PLCH1: variants seen among roughly 807,000 people sequenced by gnomAD.
PLCH1 encodes the protein 1-phosphatidylinositol 4,5-bisphosphate phosphodiesterase eta-1.
In PLCH1, 60 loss-of-function variants were observed where a neutral mutation model predicts 126.7. The observed-to-expected ratio is 0.47, with a 90% CI of 0.38 to 0.59. The LOEUF (loss-of-function observed/expected upper bound fraction) is 0.59. Ranked by LOEUF, PLCH1 falls within the 20% of genes least tolerant of loss-of-function variation. The pLI is 0.00. For synonymous variants in PLCH1, 719 were observed against 734.9 expected (o/e 0.98, Z 0.35); for missense variants, 1,723 against 2,040.0 (o/e 0.84, Z 2.99).
intron 18 of PLCH1, among the ~76,000 whole-genome samples, chr3:155,492,243 G>A (rs78892912): frequency 0.054 from 8,257 of 152,188 alleles, 290 homozygotes; most frequent in Non-Finnish European, 0.079. Context: ...GCTCTGGAAA[G>A]AAAAAAGACT....
At position 155,632,095 on chromosome 3, in the gene PLCH1, T is replaced by G. The variant is rs745776649; in HGVS notation, c.80-35717A>C. On this transcript the variant is annotated intron_variant, in intron 2 of 22. Coordinates refer to ENST00000460012, the MANE Select transcript of PLCH1 (RefSeq NM_014996.4). ...TCATCCAGGACATCTTTCAGTAGTT[T>G]CACAGTGGCCATCAGCTCTGTCAGA... Among the ~76,000 whole-genome samples, 123 of 152,258 alleles carry G rather than the reference T, an allele frequency of 8.1e-4. 1 individual carries two copies. Among genetic ancestry groups the G allele is most frequent in the Non-Finnish European group, 1.5e-3 (99 of 68,028 alleles).
chr3:155,454,588 G>A (rs1043477249), intron 21 of PLCH1, among the ~76,000 whole-genome samples: 2 of 152,238 alleles, frequency 1.3e-5, no homozygotes, highest in African/African-American at 4.8e-5. Context: ...TGATTGGACA[G>A]TTTCAAATTT....
At chr3:155,656,693 C>T (rs188815908) in intron 2 of PLCH1, among the ~76,000 whole-genome samples, 2 of 152,188 alleles carry the variant, frequency 1.3e-5, no homozygotes, top group Non-Finnish European at 2.9e-5. Flanking sequence ...ATAAAGTCAG[C>T]ATCTTAATAG....
chr3:155,523,133 C>T (rs1721392194), intron 11 of PLCH1, among the ~76,000 whole-genome samples: 1 of 152,062 alleles, frequency 6.6e-6, no homozygotes, highest in South Asian at 2.1e-4. Context: ...CACCACCACG[C>T]CCGGCTAATT....
chr3:155,661,975 A>G (rs1320018758), intron 2 of PLCH1, among the ~76,000 whole-genome samples: 3 of 152,238 alleles, frequency 2.0e-5, no homozygotes, highest in African/African-American at 7.2e-5. Flanking sequence ...ATGGTATCTG[A>G]TAACACTCTA....
chr3:155,513,988 T>C (rs1312016610), intron 12 of PLCH1, among the ~76,000 whole-genome samples: 1 of 152,122 alleles, frequency 6.6e-6, no homozygotes, highest in Non-Finnish European at 1.5e-5. Context: ...ATGTAACTCA[T>C]GGGGCTATTG....
chr3:155,519,638 G>T (rs1307970302), intron 11 of PLCH1, among the ~76,000 whole-genome samples: 1 of 151,592 alleles, frequency 6.6e-6, no homozygotes, highest in African/African-American at 2.4e-5. Context: ...CCCAGGCCAT[G>T]CCCCAGACCC....
intron 10 of PLCH1, among the ~76,000 whole-genome samples, chr3:155,533,992 A>G (rs1423599796): frequency 1.3e-5 from 2 of 152,260 alleles, no homozygotes; most frequent in Non-Finnish European, 1.5e-5. Flanking sequence ...AGGCAGAAGT[A>G]TGCTACAGGG....
chr3:155,470,173 T>C (rs1456861523), intron 21 of PLCH1, among the ~76,000 whole-genome samples: 2 of 151,066 alleles, frequency 1.3e-5, no homozygotes, highest in East Asian at 3.9e-4. Context: ...AGTTGAAAAC[T>C]TTGAAAAAAA....
chr3:155,624,904 A>G (rs1737032850), intron 2 of PLCH1, among the ~76,000 whole-genome samples: 1 of 152,230 alleles, frequency 6.6e-6, no homozygotes, highest in Admixed American at 6.5e-5. Flanking sequence ...CTTAAATTTC[A>G]TATGGAACAA....
downstream of PLCH1, among the ~76,000 whole-genome samples, chr3:155,476,494 G>A (rs145137927): frequency 2.0e-3 from 309 of 152,186 alleles, no homozygotes; most frequent in Non-Finnish European, 3.6e-3. Flanking sequence ...TGAAAAGGAA[G>A]AAGTCAAATT....
chr3:155,470,089 G>T (rs1210110042), intron 21 of PLCH1, among the ~76,000 whole-genome samples: 2 of 152,016 alleles, frequency 1.3e-5, no homozygotes, highest in African/African-American at 4.8e-5. Context: ...TGACTTTGAC[G>T]AGCTGAGAGA....
Position 155,601,044 on chromosome 3 carries a change from G to T in PLCH1, c.80-4666C>A, listed in dbSNP as rs191325657. Among the ~76,000 whole-genome samples the T allele has an allele frequency of 9.5e-3, 1,448 of 152,140 alleles. 20 individuals carry two copies. The highest frequency in any genetic ancestry group is 0.023 in the African/African-American group (975 of 41,520). ...GGCTGGAGTGCAGTGGCGTGATCTC[G>T]GCTCACTGCAAGCTCCGCCTCCCGG... On this transcript the variant is annotated intron_variant, in intron 2 of 22. Transcript: ENST00000460012.
At chr3:155,455,456 T>TG (rs1188912920) in intron 21 of PLCH1, among the ~76,000 whole-genome samples, 2 of 152,342 alleles carry the variant, frequency 1.3e-5, no homozygotes, top group Admixed American at 1.3e-4. Context: ...GGTAGATAAA[T>TG]GCTCCTAAGT....
At chr3:155,458,709 A>G (rs932067476) in intron 21 of PLCH1, among the ~76,000 whole-genome samples, 1 of 152,166 alleles carries the variant, frequency 6.6e-6, no homozygotes, top group Non-Finnish European at 1.5e-5. Context: ...CAAGAGATAG[A>G]AAAAAGTCAG....
intron 2 of PLCH1, among the ~76,000 whole-genome samples, chr3:155,613,179 G>A (rs1735351886): frequency 6.6e-6 from 1 of 152,116 alleles, no homozygotes; most frequent in Admixed American, 6.5e-5. Flanking sequence ...GCAAAAAAAT[G>A]TCCAGGACCA....
rs535908017 is a variant in PLCH1, at chr3:155,537,202, C to CAAAAAAAAAAAAAAAAAAAAAA, written c.1362+12563_1362+12584dup. 4.4e-3 allele frequency among the ~76,000 whole-genome samples: 46 copies of CAAAAAAAAAAAAAAAAAAAAAA among 10,340 alleles called. 3 individuals carry two copies. The highest frequency in any genetic ancestry group is 0.017 in the East Asian group (14 of 830). 6.8% of individuals were successfully genotyped at this position (10,340 alleles called of 152,430 possible). A position where few individuals can be genotyped will look rare whatever the true frequency, so the allele number is the denominator to read the frequency against. Reference sequence around the variant, plus strand: ...CTAGCACTACAAAAAAAAAAAAAACCAAAAAAAAAAAAAAAAAAAAAAAAA... The same window carrying CAAAAAAAAAAAAAAAAAAAAAA: ...CTAGCACTACAAAAAAAAAAAAAACCAAAAAAAAAAAAAAAAAAAAAAAAAAAAAAAAAAAAAAAAAAAAAAA... On this transcript the variant is annotated intron_variant, in intron 10 of 22. Transcript: ENST00000460012.
intron 7 of PLCH1, among the ~76,000 whole-genome samples, chr3:155,566,921 T>C (rs1728609946): frequency 6.6e-6 from 1 of 152,194 alleles, no homozygotes; most frequent in Non-Finnish European, 1.5e-5. Flanking sequence ...TGCCAACTTT[T>C]ATGTCCATAA....
At chr3:155,525,657 ATGCAGCGAGACTCC>A (rs570364827) in intron 10 of PLCH1, among the ~76,000 whole-genome samples, 97 of 152,262 alleles carry the variant, frequency 6.4e-4, no homozygotes, top group African/African-American at 2.2e-3. Flanking sequence ...TTCACAGACA[ATGCAGCGAGACTCC>A]TGCCCAGCTT....
Sources: allele counts gnomAD v4.1 joint callset (sites outside exome capture counted in the v4.1 genomes callset), GRCh38; gene constraint gnomAD v4.1.1; transcripts MANE v1.5; gene names NCBI Gene and HGNC (gene_info 2026-07-23, HGNC 2026-07-21).